Variants in ARPP19 observed in about 807,000 individuals in gnomAD.
ARPP19 encodes cAMP-regulated phosphoprotein 19.
In ARPP19, 8 loss-of-function variants were observed where a neutral mutation model predicts 12.0. The observed-to-expected ratio is 0.67, with a 90% confidence interval of 0.39 to 1.21. ARPP19 has a LOEUF of 1.21. Among genes scored for constraint, ARPP19 ranks in the 50% most tolerant of loss-of-function variants. The pLI is 0.01. For missense variants in ARPP19, 102 were observed against 136.3 expected (o/e 0.75, Z 1.25); for synonymous variants, 47 against 50.4 (o/e 0.93, Z 0.29).
rs1304236344 is a variant in ARPP19, at chr15:52,548,836, T to A, written c.*3098A>T. The A allele has an allele frequency of 6.6e-6, 1 of 152,630 alleles. No individual in the cohort carries two copies. Among genetic ancestry groups the A allele is most frequent in the Non-Finnish European group, 1.5e-5 (1 of 68,034 alleles). The allele number at this position is 152,630 out of a possible 1,614,324, so 9.5% of individuals were successfully genotyped here. On this transcript the variant is annotated 3_prime_UTR_variant, in exon 3 of 3. Transcript: ENST00000249822. ...TTTAGTAAAAAGTATCCATAAATAT[T>A]CAGAGGTATAGTTTTGTTTCATCAA...
chr15:52,567,627 T>C (rs2078096312), intron 1 of ARPP19, among the ~76,000 whole-genome samples: 1 of 152,230 alleles, frequency 6.6e-6, no homozygotes, highest in Non-Finnish European at 1.5e-5. Flanking sequence ...TCCATTTTTT[T>C]GGTAATGCGT....
intron 1 of ARPP19, chr15:52,564,147 A>G: frequency 1.4e-6 from 2 of 1,419,974 alleles, no homozygotes; most frequent in Non-Finnish European, 1.9e-6. Flanking sequence ...GCAAACTGCT[A>G]AGACGGCTAA....
At chr15:52,555,690 T>C (rs1338172969) in intron 2 of ARPP19, among the ~76,000 whole-genome samples, 1 of 151,998 alleles carries the variant, frequency 6.6e-6, no homozygotes, top group Non-Finnish European at 1.5e-5. Flanking sequence ...CCTTAATCCA[T>C]ACCCTGTTCT....
intron 1 of ARPP19, among the ~76,000 whole-genome samples, chr15:52,558,470 GAAA>G (rs143549178): frequency 3.4e-4 from 22 of 63,914 alleles, no homozygotes; most frequent in Non-Finnish European, 5.8e-4. Context: ...AAACAAAACA[GAAA>G]AAAAAAAAAA....
intron 1 of ARPP19, among the ~76,000 whole-genome samples, chr15:52,565,369 G>A (rs1179239447): frequency 1.3e-5 from 2 of 152,148 alleles, no homozygotes; most frequent in African/African-American, 4.8e-5. Flanking sequence ...CTCCCCTCCA[G>A]GACTAGTACA....
chr15:52,568,766 G>T, intron 1 of ARPP19, 82 bp downstream of exon 1: 1 of 982,404 alleles, frequency 1.0e-6, no homozygotes, highest in Non-Finnish European at 1.4e-6. Context: ...CATCTCGGGC[G>T]CGGCCCTCCG....
At chr15:52,558,248 G>T (rs1438590521) in intron 1 of ARPP19, among the ~76,000 whole-genome samples, 3 of 152,082 alleles carry the variant, frequency 2.0e-5, no homozygotes, top group African/African-American at 7.2e-5. Flanking sequence ...AGTAGTTCGA[G>T]ACCAGCCTGG....
intron 2 of ARPP19, among the ~76,000 whole-genome samples, chr15:52,554,978 T>C (rs2077968165): frequency 6.6e-6 from 1 of 152,070 alleles, no homozygotes. Context: ...TACTTAAAGA[T>C]GCTAAGGTAA....
At position 52,551,736 on chromosome 15, in the gene ARPP19, T is replaced by C. The variant is rs1249022458; in HGVS notation, c.*198A>G. 4 of 539,854 alleles carry C rather than the reference T, an allele frequency of 7.4e-6. No homozygotes were observed. Among genetic ancestry groups the C allele is most frequent in the African/African-American group, 5.7e-5 (3 of 52,300 alleles). 33.4% of individuals were successfully genotyped at this position (539,854 alleles called of 1,614,324 possible). A position where few individuals can be genotyped will look rare whatever the true frequency, so the allele number is the denominator to read the frequency against. ...GTAGTTTACTTATGTTGCTCTAACA[T>C]GTCCTCTTCACCAGTGCACTGTTAA... On this transcript the variant is annotated 3_prime_UTR_variant, in exon 3 of 3. Coordinates refer to ENST00000249822, the MANE Select transcript of ARPP19 (RefSeq NM_006628.6).
At chr15:52,554,973 A>G (rs1402679797) in intron 2 of ARPP19, among the ~76,000 whole-genome samples, 1 of 152,124 alleles carries the variant, frequency 6.6e-6, no homozygotes, top group Non-Finnish European at 1.5e-5. Flanking sequence ...GAAGCTACTT[A>G]AAGATGCTAA....
chr15:52,554,880 C>T (rs1292649240), intron 2 of ARPP19, among the ~76,000 whole-genome samples: 1 of 152,050 alleles, frequency 6.6e-6, no homozygotes, highest in African/African-American at 2.4e-5. Context: ...ATAACATTAA[C>T]CTCATAATAA....
chr15:52,568,356 G>A (rs1724611), intron 1 of ARPP19: 114,659 of 153,848 alleles, frequency 0.75, 43,393 homozygotes, highest in Non-Finnish European at 0.78. Context: ...TGAAGACACT[G>A]AAGGCCGGAC....
chr15:52,553,015 T>G (rs1243250881), intron 2 of ARPP19, among the ~76,000 whole-genome samples: 1 of 152,078 alleles, frequency 6.6e-6, no homozygotes, highest in Non-Finnish European at 1.5e-5. Context: ...GTGTGGAGGT[T>G]GCAGAGAGCT....
chr15:52,553,289 C>T (rs2077952711), intron 2 of ARPP19, among the ~76,000 whole-genome samples: 1 of 152,060 alleles, frequency 6.6e-6, no homozygotes. Flanking sequence ...AAATGCATAT[C>T]CCTACTCCAC....
rs2077974018 is a variant in ARPP19, at chr15:52,555,546, A to G, written c.168+1554T>C. Among the ~76,000 whole-genome samples, 3 of 152,076 alleles carry G rather than the reference A, an allele frequency of 2.0e-5. No homozygotes were observed. The South Asian group carries it at 6.2e-4, about 32-fold the overall frequency. The stretch of plus-strand genomic sequence containing the variant: ...TTATTTAATCATTTCTCTGCTGTTG[A>G]ATAGTGGTGCTGCTACTAATTATAG... On this transcript the variant is annotated intron_variant, in intron 2 of 2. Transcript: ENST00000249822.
At chr15:52,559,922 A>G (rs945894095) in intron 1 of ARPP19, among the ~76,000 whole-genome samples, 2 of 152,196 alleles carry the variant, frequency 1.3e-5, no homozygotes, top group African/African-American at 4.8e-5. Context: ...CCTTCAAATT[A>G]AGGGTGTTAC....
chr15:52,565,708 GT>G (rs1335428552), intron 1 of ARPP19, among the ~76,000 whole-genome samples: 5 of 152,148 alleles, frequency 3.3e-5, no homozygotes, highest in African/African-American at 1.2e-4. Flanking sequence ...CTAGGGGAGT[GT>G]TTACTTGACA....
chr15:52,558,126 T>A (rs2077998358), intron 1 of ARPP19, among the ~76,000 whole-genome samples: 1 of 152,148 alleles, frequency 6.6e-6, no homozygotes, highest in African/African-American at 2.4e-5. Context: ...GGAGTGTTTA[T>A]TACTTCATGG....
Position 52,550,067 on chromosome 15 carries a change from A to G in ARPP19, c.*1867T>C, listed in dbSNP as rs2077915107. ...GGAGAGCAGGTATACTGATGGAACC[A>G]GGATTCAGAAAAGATGCCTGGATCC... On this transcript the variant is annotated 3_prime_UTR_variant, in exon 3 of 3. Coordinates refer to ENST00000249822, the MANE Select transcript of ARPP19 (RefSeq NM_006628.6). The G allele has an allele frequency of 6.6e-6, 1 of 152,606 alleles. No homozygotes were observed. The highest frequency in any genetic ancestry group is 1.5e-5 in the Non-Finnish European group (1 of 68,050). 9.5% of individuals were successfully genotyped at this position (152,606 alleles called of 1,614,324 possible). A position where few individuals can be genotyped will look rare whatever the true frequency, so the allele number is the denominator to read the frequency against.
Sources: gnomAD v4.1 joint callset for allele counts (sites outside exome capture counted in the v4.1 genomes callset) on GRCh38, gnomAD v4.1.1 for gene constraint, MANE v1.5 for transcripts, NCBI Gene and HGNC (gene_info 2026-07-23, HGNC 2026-07-21) for gene names.